Variants in MEGF10 observed in about 807,000 individuals in gnomAD.
MEGF10 encodes multiple EGF like domains 10.
A neutral mutation model predicts 147.5 loss-of-function variants in MEGF10; 86 were observed. The ratio of observed to expected loss-of-function variants is 0.58; its 90% CI spans 0.49 to 0.70. The LOEUF (loss-of-function observed/expected upper bound fraction) is 0.70, where lower values mean the gene tolerates loss of function less well. MEGF10 is among the 30% of genes least tolerant of loss of function. The probability of loss-of-function intolerance (pLI) is 0.00; values close to 1 mark genes in which losing one functional copy is unlikely to be tolerated. For missense variants in MEGF10, 1,329 were observed against 1,487.3 expected, an observed-to-expected ratio of 0.89 and a Z score of 1.75; for synonymous variants, 478 against 525.5, an observed-to-expected ratio of 0.91 and a Z score of 1.24.
rs557081055 is a variant in MEGF10 at position 127,399,434 on chromosome 5, G to A, written c.780+638G>A. On this transcript the variant is annotated intron_variant, in intron 7 of 24. Transcript: ENST00000503335. ...CTTCAAATTAGACATCTGAAATCAG[G>A]AAATATAATAATATTGATGTCATCT... 5.3e-5 allele frequency among the ~76,000 whole-genome samples: 8 copies of A among 152,288 alleles called. No homozygotes were observed. In the South Asian group the frequency reaches 1.7e-3, roughly 32 times the overall value.
intron 4 of MEGF10, among the ~76,000 whole-genome samples, chr5:127,359,062 T>TG (rs1321939085): frequency 2.6e-5 from 4 of 152,018 alleles, no homozygotes; most frequent in African/African-American, 4.8e-5. Flanking sequence ...TGTTTTGTTT[T>TG]TTTTTTTTTC....
the MEGF10 span, among the ~76,000 whole-genome samples, chr5:127,281,508 C>G: frequency 6.6e-6 from 1 of 152,210 alleles, no homozygotes; most frequent in Non-Finnish European, 1.5e-5. Flanking sequence ...CTCTTCCTGT[C>G]AGTCCAGGTG....
intron 9 of MEGF10, among the ~76,000 whole-genome samples, chr5:127,414,292 T>C (rs1271251091): frequency 6.6e-6 from 1 of 152,128 alleles, no homozygotes; most frequent in African/African-American, 2.4e-5. Flanking sequence ...TCTGCCTCAC[T>C]ACCTGTGTGA....
intron 5 of MEGF10, among the ~76,000 whole-genome samples, chr5:127,379,404 T>G (rs1763165808): frequency 6.6e-6 from 1 of 152,172 alleles, no homozygotes; most frequent in Admixed American, 6.5e-5. Context: ...GCACAATCCA[T>G]CTAGCCATGC....
intron 5 of MEGF10, among the ~76,000 whole-genome samples, chr5:127,390,885 G>A (rs1763625947): frequency 6.6e-6 from 1 of 152,068 alleles, no homozygotes; most frequent in Non-Finnish European, 1.5e-5. Flanking sequence ...GTAACTTTGA[G>A]CAAGTCACCT....
At chr5:127,451,357 G>C (rs1048559654) in intron 22 of MEGF10, among the ~76,000 whole-genome samples, 6 of 152,164 alleles carry the variant, frequency 3.9e-5, no homozygotes, top group Non-Finnish European at 8.8e-5. Flanking sequence ...CATTTCCATA[G>C]TGTAGTCGTT....
intron 5 of MEGF10, among the ~76,000 whole-genome samples, chr5:127,383,243 A>G (rs965440766): frequency 2.0e-5 from 3 of 152,218 alleles, no homozygotes; most frequent in Non-Finnish European, 1.5e-5. Flanking sequence ...TAATGTAGTG[A>G]AATGTTACAT....
chr5:127,365,096 A>T (rs180838344), intron 4 of MEGF10, among the ~76,000 whole-genome samples: 1 of 152,236 alleles, frequency 6.6e-6, no homozygotes, highest in East Asian at 1.9e-4. Flanking sequence ...TGTGACTTAC[A>T]CTCTTTGCTC....
intron 16 of MEGF10, among the ~76,000 whole-genome samples, 154 bp downstream of exon 16, chr5:127,435,643 T>C (rs2065136027): frequency 7.0e-6 from 1 of 143,686 alleles, no homozygotes; most frequent in Non-Finnish European, 1.5e-5. Context: ...TTAAAATTCT[T>C]TTTTTTTTTC....
At chr5:127,300,809 T>C (rs1359487199) in intron 1 of MEGF10, among the ~76,000 whole-genome samples, 2 of 152,200 alleles carry the variant, frequency 1.3e-5, no homozygotes, top group Non-Finnish European at 2.9e-5. Context: ...TGCAATGCAT[T>C]AGCACCATCA....
intron 4 of MEGF10, among the ~76,000 whole-genome samples, chr5:127,362,941 G>A (rs2126845051): frequency 6.6e-6 from 1 of 152,062 alleles, no homozygotes; most frequent in East Asian, 1.9e-4. Flanking sequence ...TAGTTGTATT[G>A]TTTTTGTGGT....
chr5:127,280,490 A>G, the MEGF10 span, among the ~76,000 whole-genome samples: 2 of 152,164 alleles, frequency 1.3e-5, no homozygotes, highest in Non-Finnish European at 2.9e-5. Flanking sequence ...GCCCCCATCA[A>G]GTTGTGTGCT....
chr5:127,247,449 GAAGAAGAAGAAGAAGAAGAAGAA>G, the MEGF10 span, among the ~76,000 whole-genome samples: 1 of 125,150 alleles, frequency 8.0e-6, no homozygotes. Context: ...AGAAGAAGAA[GAAGAAGAAGAAGAAGAAGAAGAA>G]GAAGAAGAAG....
chr5:127,309,239 G>A (rs1022782342), intron 1 of MEGF10, among the ~76,000 whole-genome samples: 2 of 152,208 alleles, frequency 1.3e-5, no homozygotes, highest in African/African-American at 2.4e-5. Flanking sequence ...TGTTACTTAC[G>A]CTTTAATACT....
At chr5:127,271,142 T>C in the MEGF10 span, among the ~76,000 whole-genome samples, 1 of 152,202 alleles carries the variant, frequency 6.6e-6, no homozygotes, top group Non-Finnish European at 1.5e-5. Context: ...TACCACACTA[T>C]CTTCCACAAT....
chr5:127,445,614 G>A lies in MEGF10; in HGVS notation c.2649G>A (p.Gln883=). The A allele has an allele frequency of 1.2e-6, 2 of 1,614,098 alleles. No individual in the cohort carries two copies. The highest frequency in any genetic ancestry group is 1.7e-6 in the Non-Finnish European group (2 of 1,180,026). ...LALFIIYRHK[Q]KGKESSMPAV... is the part of the protein sequence containing the mutation. ...TGTTCATTATTTATAGACACAAGCA[G>A]AAGGGAAAGGAATCAAGCATGCCAG... The change falls in exon 20 of 25, where the codon CAG becomes CAA. Residue 883 remains glutamine (Q), a synonymous_variant. Transcript: ENST00000503335.
chr5:127,349,826 G>T (rs1762027482), intron 4 of MEGF10, among the ~76,000 whole-genome samples: 1 of 151,974 alleles, frequency 6.6e-6, no homozygotes, highest in Non-Finnish European at 1.5e-5. Flanking sequence ...TTCATTCAAT[G>T]TAAGACATAT....
chr5:127,419,164 A>T lies in MEGF10; in HGVS notation c.1350A>T (p.Ile450=). The T allele has an allele frequency of 6.2e-7, 1 of 1,614,174 alleles. No homozygotes were observed. Among genetic ancestry groups the T allele is most frequent in the South Asian group, 1.1e-5 (1 of 91,084 alleles). Residue 450 remains isoleucine, a synonymous_variant, in exon 11 of 25, where the codon ATA becomes ATT. Transcript: ENST00000503335. The stretch of plus-strand genomic sequence containing the variant: ...CATGCCCTCTGGGAACCTATGGGAT[A>T]AACTGTTCCTCTCGCTGTGGCTGTA... ...STPCPLGTYG[I]NCSSRCGCKN...
intron 8 of MEGF10, among the ~76,000 whole-genome samples, chr5:127,403,041 G>C (rs377491086): frequency 5.3e-5 from 8 of 152,048 alleles, no homozygotes; most frequent in African/African-American, 1.9e-4. Flanking sequence ...TGTGTACTTA[G>C]GTACCTTTCA....
Sources: allele counts gnomAD v4.1 joint callset (sites outside exome capture counted in the v4.1 genomes callset), GRCh38; gene constraint gnomAD v4.1.1; transcripts MANE v1.5; gene names NCBI Gene and HGNC (gene_info 2026-07-23, HGNC 2026-07-21).